RMDN1: variants seen among roughly 807,000 people sequenced by gnomAD.
RMDN1 encodes regulator of microtubule dynamics protein 1.
In RMDN1, 48 loss-of-function variants were observed where a neutral mutation model predicts 48.9. The observed-to-expected ratio is 0.98, with a 90% CI of 0.78 to 1.25. The LOEUF is 1.25. Among genes scored for constraint, RMDN1 ranks in the 50% most tolerant of loss-of-function variants. The pLI, the probability that RMDN1 is intolerant of heterozygous loss-of-function variation, is 0.00. For missense variants in RMDN1, 418 were observed against 373.4 expected (o/e 1.12, Z -0.98); for synonymous variants, 148 against 132.6 (o/e 1.12, Z -0.80).
At chr8:86,477,477 AAC>A in intron 7 of RMDN1, 153 bp from the exon 8 acceptor site, 1 of 580,892 alleles carries the variant, frequency 1.7e-6, no homozygotes, top group Admixed American at 3.4e-5. Flanking sequence ...AGTGAGAGTT[AAC>A]ACCCAAAGTG....
Position 86,472,854 on chromosome 8 carries a change from T to G in RMDN1, c.*1454A>C, listed in dbSNP as rs1262129162. The G allele has an allele frequency of 5.2e-6, 1 of 193,766 alleles. No homozygotes were observed. Among genetic ancestry groups the G allele is most frequent in the South Asian group, 1.5e-4 (1 of 6,760 alleles). 12.0% of individuals were successfully genotyped at this position (193,766 alleles called of 1,614,324 possible). A position where few individuals can be genotyped will look rare whatever the true frequency, so the allele number is the denominator to read the frequency against. On this transcript the variant is annotated 3_prime_UTR_variant, in exon 10 of 10. Coordinates refer to ENST00000406452, the MANE Select transcript of RMDN1 (RefSeq NM_016033.3). ...TAATGACACCTTTGCTTTCTGATGG[T>G]TCAAGGTATGCAAACTTGGTCTCAA...
intron 2 of RMDN1, chr8:86,503,707 C>T (rs1376672225): frequency 8.5e-6 from 4 of 472,626 alleles, no homozygotes; most frequent in Non-Finnish European, 1.7e-5. Flanking sequence ...TTATCAATAA[C>T]ACTTTGAGTG....
intron 1 of RMDN1, chr8:86,514,148 C>T (rs920230651): frequency 5.4e-6 from 3 of 551,448 alleles, no homozygotes; most frequent in African/African-American, 4.1e-5. Flanking sequence ...GCCACTGCGC[C>T]CAGTCTTCTC....
At chr8:86,470,166 A>G, downstream of RMDN1, 1 of 1,288,398 alleles carries the variant, frequency 7.8e-7, no homozygotes, top group Non-Finnish European at 1.0e-6. Flanking sequence ...TAATGGAGAG[A>G]TATAGCCTAT....
chr8:86,472,197 C>T (rs944376063), downstream of RMDN1, among the ~76,000 whole-genome samples: 4 of 152,154 alleles, frequency 2.6e-5, no homozygotes. Flanking sequence ...CACACACAAA[C>T]ACACATGTAT....
At chr8:86,468,680 G>A (rs1281202865), downstream of RMDN1, 4 of 455,996 alleles carry the variant, frequency 8.8e-6, no homozygotes, top group African/African-American at 2.0e-5. Flanking sequence ...AAGAAATTAC[G>A]ATGCACTAGG....
chr8:86,494,653 C>CATAAGTTATATAG lies in RMDN1; in HGVS notation c.248-6015_248-6014insCTATATAACTTAT, dbSNP rs1241634056. Among the ~76,000 whole-genome samples, 3 of 152,164 alleles carry CATAAGTTATATAG rather than the reference C, an allele frequency of 2.0e-5. 1 individual carries two copies. The highest frequency in any genetic ancestry group is 7.2e-5 in the African/African-American group (3 of 41,440). On this transcript the variant is annotated intron_variant, in intron 2 of 9. Coordinates refer to ENST00000406452, the MANE Select transcript of RMDN1 (RefSeq NM_016033.3). The stretch of plus-strand genomic sequence containing the variant: ...CTATGAAGGCCTCATCCAACTTGTG[C>CATAAGTTATATAG]AGGCCTCATAGAGGCCTAGGACCTT...
intron 2 of RMDN1, among the ~76,000 whole-genome samples, chr8:86,491,292 G>A (rs902256300): frequency 1.3e-5 from 2 of 151,830 alleles, no homozygotes; most frequent in Admixed American, 6.6e-5. Context: ...GCACCACCAC[G>A]CCCAGCTAAT....
At position 86,474,911 on chromosome 8, in the gene RMDN1, T is replaced by C; in HGVS notation, c.803A>G (p.Lys268Arg). ...TTTGTTGTGTAGTTTCAAGTATGTC[T>C]TTCCTAAAAGAAGTAAGTTTTTGCT... ...FYSKNLLLLG[K>R]TYLKLHNKKL... The change falls in exon 9 of 10, where the codon AAG (lysine) becomes AGG (arginine). Residue 268 changes from lysine (K) to arginine (R), a missense_variant. Transcript: ENST00000406452. 6.2e-7 allele frequency: 1 copy of C among 1,612,030 alleles called. No individual in the cohort carries two copies. The highest frequency in any genetic ancestry group is 8.5e-7 in the Non-Finnish European group (1 of 1,179,346).
At position 86,474,122 on chromosome 8, in the gene RMDN1, C is replaced by G. The variant is rs148201605; in HGVS notation, c.*186G>C. ...GAGCCATGGAGATTTATTTCTACCA[C>G]TCTTATGGCGATTATTTATTTTACC... On this transcript the variant is annotated 3_prime_UTR_variant, in exon 10 of 10. Coordinates refer to ENST00000406452, the MANE Select transcript of RMDN1 (RefSeq NM_016033.3). 578 of 1,341,288 alleles carry G rather than the reference C, an allele frequency of 4.3e-4. 4 individuals carry two copies. In the African/African-American group the frequency reaches 7.1e-3, roughly 16 times the overall value. 83.1% of individuals were successfully genotyped at this position (1,341,288 alleles called of 1,614,324 possible). A position where few individuals can be genotyped will look rare whatever the true frequency, so the allele number is the denominator to read the frequency against.
In RMDN1 at chr8:86,480,305, C is replaced by A; in HGVS notation, c.613G>T (p.Ala205Ser). 2.6e-6 allele frequency: 4 copies of A among 1,543,808 alleles called. No individual in the cohort carries two copies. Among genetic ancestry groups the A allele is most frequent in the Non-Finnish European group, 3.5e-6 (4 of 1,134,464 alleles). The change falls in exon 6 of 10, where the codon GCT (alanine) becomes TCT (serine). Residue 205 changes from alanine to serine, a missense_variant. Physicochemically the swap from Ala to Ser is moderately conservative, Grantham distance 99 (BLOSUM62 1). Transcript: ENST00000406452. ...ATACCCATAAGGTGAATTGAAGTAGCATCTTTAGGGTTCAGTTCAATTGCT... is the reference window on the plus strand; with the variant it reads ...ATACCCATAAGGTGAATTGAAGTAGAATCTTTAGGGTTCAGTTCAATTGCT... Reference protein sequence around the residue: ...EKAIELNPKDATSIHLMGIWC... With the variant: ...EKAIELNPKDSTSIHLMGIWC...
downstream of RMDN1, among the ~76,000 whole-genome samples, chr8:86,471,637 T>G (rs775552655): frequency 1.3e-5 from 2 of 151,702 alleles, no homozygotes; most frequent in Non-Finnish European, 2.9e-5. Context: ...GAAGAAGAGA[T>G]ACAACCAAAT....
At chr8:86,468,838 T>G (rs555226933), downstream of RMDN1, 592 of 396,100 alleles carry the variant, frequency 1.5e-3, 4 homozygotes, top group African/African-American at 0.011. Context: ...TCAGAAAAAC[T>G]GTAGAAATAT....
intron 4 of RMDN1, 136 bp downstream of exon 4, chr8:86,486,348 A>T: frequency 2.1e-6 from 1 of 485,460 alleles, no homozygotes; most frequent in Non-Finnish European, 3.3e-6. Flanking sequence ...AATTATCCTT[A>T]AGATATAAGA....
Position 86,474,045 on chromosome 8 carries a change from T to G in RMDN1, c.*263A>C. 8.5e-7 allele frequency: 1 copy of G among 1,182,512 alleles called. No individual in the cohort carries two copies. The highest frequency in any genetic ancestry group is 1.0e-6 in the Non-Finnish European group (1 of 953,462). The allele number at this position is 1,182,512 out of a possible 1,614,324, so 73.3% of individuals were successfully genotyped here. A position where few individuals can be genotyped will look rare whatever the true frequency, so the allele number is the denominator to read the frequency against. ...CCAATGTGATCAATCCTTAGAAATC[T>G]CATACCATTTTGCATTGCTGGTATC... On this transcript the variant is annotated 3_prime_UTR_variant, in exon 10 of 10. Transcript: ENST00000406452.
In RMDN1 at chr8:86,472,497, C is replaced by G. The variant is rs1242516426; in HGVS notation, c.*1811G>C. ...CTCTTCACCTACAAAAATAAAATTA[C>G]AGTATACAATAACCTTTTAAAATAC... On this transcript the variant is annotated 3_prime_UTR_variant, in exon 10 of 10. Transcript: ENST00000406452. 4.3e-6 allele frequency: 3 copies of G among 702,404 alleles called. No homozygotes were observed. The highest frequency in any genetic ancestry group is 2.3e-4 in the Middle Eastern group (1 of 4,370). 43.5% of individuals were successfully genotyped at this position (702,404 alleles called of 1,614,324 possible).
chr8:86,494,738 C>A (rs1356784914), intron 2 of RMDN1: 2 of 230,018 alleles, frequency 8.7e-6, no homozygotes, highest in Admixed American at 1.1e-4. Flanking sequence ...GCCTGTAATT[C>A]CAGACTTTGG....
At chr8:86,485,540 T>C (rs1815329000) in intron 4 of RMDN1, among the ~76,000 whole-genome samples, 1 of 152,184 alleles carries the variant, frequency 6.6e-6, no homozygotes, top group Non-Finnish European at 1.5e-5. Flanking sequence ...AATGAGATAA[T>C]GGTTCATGTT....
chr8:86,474,533 A>G, intron 9 of RMDN1, 175 bp from the exon 10 acceptor site: 1 of 686,716 alleles, frequency 1.5e-6, no homozygotes. Context: ...ACTTTAGTAC[A>G]CATCCCATGA....
Sources: gnomAD v4.1 joint callset for allele counts (sites outside exome capture counted in the v4.1 genomes callset) on GRCh38, gnomAD v4.1.1 for gene constraint, MANE v1.5 for transcripts, NCBI Gene and HGNC (gene_info 2026-07-23, HGNC 2026-07-21) for gene names.